The following BNC2 variants were observed in gnomAD, a reference collection of about 807,000 sequenced individuals.
The protein encoded by BNC2 is zinc finger protein basonuclin-2.
BNC2 carries 20 observed loss-of-function variants against 76.3 expected under a neutral mutation model. That is an observed-to-expected ratio of 0.26 (90% CI 0.18 to 0.38). The LOEUF (loss-of-function observed/expected upper bound fraction) is 0.38. Ranked by LOEUF, BNC2 falls within the 10% of genes least tolerant of loss-of-function variation. The probability of loss-of-function intolerance (pLI) is 1.00; values close to 1 mark genes in which losing one functional copy is unlikely to be tolerated. For missense variants in BNC2, 1,382 were observed against 1,399.8 expected (o/e 0.99, Z 0.20); for synonymous variants, 582 against 514.8 (o/e 1.13, Z -1.77).
intron 1 of BNC2, among the ~76,000 whole-genome samples, chr9:16,834,781 CAAAG>C (rs1423549834): frequency 6.6e-6 from 1 of 152,088 alleles, no homozygotes; most frequent in African/African-American, 2.4e-5. Context: ...AAGCACTCAA[CAAAG>C]AGTTTTTAAA....
intron 5 of BNC2, among the ~76,000 whole-genome samples, chr9:16,479,304 G>A (rs1424320246): frequency 1.3e-5 from 2 of 151,898 alleles, no homozygotes; most frequent in Non-Finnish European, 1.5e-5. Flanking sequence ...AAAATTGGTG[G>A]TTGGAAATTT....
chr9:16,790,771 T>A (rs920143569), intron 1 of BNC2, among the ~76,000 whole-genome samples: 1 of 151,856 alleles, frequency 6.6e-6, no homozygotes, highest in Admixed American at 6.6e-5. Flanking sequence ...TAGCTAAATA[T>A]ATAGAGCCTC....
At chr9:16,845,810 C>T (rs762209201) in intron 1 of BNC2, among the ~76,000 whole-genome samples, 34 of 152,040 alleles carry the variant, frequency 2.2e-4, no homozygotes, top group Non-Finnish European at 4.3e-4. Flanking sequence ...AATGCCTCTG[C>T]ATACTTAAGT....
intron 1 of BNC2, among the ~76,000 whole-genome samples, chr9:16,828,119 G>A (rs1818495119): frequency 6.6e-6 from 1 of 151,860 alleles, no homozygotes; most frequent in African/African-American, 2.4e-5. Flanking sequence ...AGTACCTCAG[G>A]AAAAAAATTG....
At chr9:16,668,449 AGGG>A (rs1822369681) in intron 3 of BNC2, among the ~76,000 whole-genome samples, 1 of 152,228 alleles carries the variant, frequency 6.6e-6, no homozygotes. Flanking sequence ...ATATGATCTC[AGGG>A]TATACCATAC....
chr9:16,843,681 G>C (rs1818890789), intron 1 of BNC2, among the ~76,000 whole-genome samples: 1 of 152,162 alleles, frequency 6.6e-6, no homozygotes, highest in Admixed American at 6.5e-5. Context: ...CTATTACCAA[G>C]TAAATGGGTT....
rs756458931 is a variant in BNC2 at position 16,437,206 on chromosome 9, G to T, written c.988C>A (p.Pro330Thr). Residue 330 changes from proline to threonine, a missense_variant, in exon 6 of 7, where the codon CCT becomes ACT. Coordinates refer to ENST00000380672, the MANE Select transcript of BNC2 (RefSeq NM_017637.6). Reference sequence around the variant, plus strand: ...AACCCTAGCAGTGGTGCTGAGACAGGGTTTATGTACTGGAATGGAAGCAGA... The same window carrying T: ...AACCCTAGCAGTGGTGCTGAGACAGTGTTTATGTACTGGAATGGAAGCAGA... ...AFLLPFQYIN[P>T]VSAPLLGLPP... 4 of 1,614,038 alleles carry T rather than the reference G, an allele frequency of 2.5e-6. No individual in the cohort carries two copies. The African/African-American group carries it at 4.0e-5, about 16-fold the overall frequency.
intron 3 of BNC2, among the ~76,000 whole-genome samples, chr9:16,661,337 T>A (rs190092194): frequency 6.6e-6 from 1 of 152,300 alleles, no homozygotes; most frequent in Non-Finnish European, 1.5e-5. Context: ...TCTCAACCAG[T>A]TTCCTCATTT....
At chr9:16,506,243 A>G (rs1822620874) in intron 5 of BNC2, among the ~76,000 whole-genome samples, 1 of 152,184 alleles carries the variant, frequency 6.6e-6, no homozygotes, top group South Asian at 2.1e-4. Context: ...AGTCACAAAA[A>G]TACTTATGTG....
intron 6 of BNC2, among the ~76,000 whole-genome samples, chr9:16,422,458 A>G (rs923952656): frequency 6.6e-6 from 1 of 152,242 alleles, no homozygotes; most frequent in African/African-American, 2.4e-5. Context: ...GCTCTTCATA[A>G]CTTCAGTACA....
chr9:16,537,904 T>C (rs908332740), intron 5 of BNC2, among the ~76,000 whole-genome samples: 1 of 152,210 alleles, frequency 6.6e-6, no homozygotes, highest in Non-Finnish European at 1.5e-5. Flanking sequence ...TTTTAAGAAG[T>C]GTTCTCCTTC....
At chr9:16,423,777 A>T (rs1209443234) in intron 6 of BNC2, among the ~76,000 whole-genome samples, 1 of 152,196 alleles carries the variant, frequency 6.6e-6, no homozygotes, top group Non-Finnish European at 1.5e-5. Context: ...CCACAAAATT[A>T]GGGCTTGAAA....
chr9:16,683,405 C>T (rs1288746348), intron 3 of BNC2, among the ~76,000 whole-genome samples: 2 of 152,132 alleles, frequency 1.3e-5, no homozygotes, highest in Non-Finnish European at 2.9e-5. Context: ...ACCGCTGCTC[C>T]TAAATTGAGG....
chr9:16,634,500 A>T (rs1181408667), intron 3 of BNC2, among the ~76,000 whole-genome samples: 1 of 126,286 alleles, frequency 7.9e-6, no homozygotes, highest in Non-Finnish European at 1.6e-5. Flanking sequence ...ACCTTCAAAT[A>T]TCTTTTTTTT....
intron 4 of BNC2, among the ~76,000 whole-genome samples, chr9:16,558,792 G>A (rs28648047): frequency 0.11 from 16,274 of 151,906 alleles, 1,419 homozygotes; most frequent in African/African-American, 0.23. Flanking sequence ...GTCCAGGCAC[G>A]GTGGCGCGCA....
chr9:16,576,922 G>A (rs1240367542), intron 4 of BNC2, among the ~76,000 whole-genome samples: 2 of 152,166 alleles, frequency 1.3e-5, no homozygotes, highest in African/African-American at 2.4e-5. Context: ...ATTTTTAGTA[G>A]AGACGGGGTT....
At chr9:16,623,763 C>T (rs983276760) in intron 3 of BNC2, among the ~76,000 whole-genome samples, 1 of 152,124 alleles carries the variant, frequency 6.6e-6, no homozygotes, top group South Asian at 2.1e-4. Flanking sequence ...TTTCCAAAAG[C>T]CTTTGGGAAA....
intron 1 of BNC2, among the ~76,000 whole-genome samples, chr9:16,793,456 G>A (rs1035261425): frequency 5.3e-5 from 8 of 152,082 alleles, no homozygotes; most frequent in South Asian, 2.1e-4. Context: ...TTTTCTTTGG[G>A]AAGGATCAAT....
intron 1 of BNC2, among the ~76,000 whole-genome samples, chr9:16,799,029 C>T (rs1445735052): frequency 6.6e-6 from 1 of 152,144 alleles, no homozygotes; most frequent in Non-Finnish European, 1.5e-5. Context: ...GTTTTTATGG[C>T]TCAGAACCAA....
Sources: allele counts gnomAD v4.1 joint callset (sites outside exome capture counted in the v4.1 genomes callset), GRCh38; gene constraint gnomAD v4.1.1; transcripts MANE v1.5; gene names NCBI Gene and HGNC (gene_info 2026-07-23, HGNC 2026-07-21).